CSF1: variants seen among roughly 807,000 people sequenced by gnomAD.
The protein encoded by CSF1 is colony stimulating factor 1.
In CSF1, 9 loss-of-function variants were observed where a neutral mutation model predicts 48.9. The ratio of observed to expected loss-of-function variants is 0.18; its 90% CI spans 0.11 to 0.32. The LOEUF is 0.32. Among genes scored for constraint, CSF1 ranks in the 10% least tolerant of loss-of-function variants. CSF1 has a pLI of 1.00. For synonymous variants in CSF1, 305 were observed against 284.1 expected, an observed-to-expected ratio of 1.07 and a Z score of -0.74; for missense variants, 672 against 697.9, an observed-to-expected ratio of 0.96 and a Z score of 0.42.
chr1:109,914,729 T>C (rs1433565635), intron 2 of CSF1, among the ~76,000 whole-genome samples: 1 of 152,248 alleles, frequency 6.6e-6, no homozygotes, highest in Non-Finnish European at 1.5e-5. Context: ...TCTGGGAAGC[T>C]AGCCCAGGCG....
At chr1:109,911,836 C>T (rs1042005431) in intron 1 of CSF1, among the ~76,000 whole-genome samples, 1 of 152,186 alleles carries the variant, frequency 6.6e-6, no homozygotes, top group African/African-American at 2.4e-5. Context: ...GAGCTGTGTC[C>T]AGGGGCAGGG....
In CSF1 at chr1:109,923,913, C is replaced by T. The variant is rs199818340; in HGVS notation, c.1292C>T (p.Ser431Leu). ...AQPQLSRSHSSGSVLPLGELE... is the reference protein window; with the variant it reads ...AQPQLSRSHSLGSVLPLGELE... The stretch of plus-strand genomic sequence containing the variant: ...CCACAGCTTTCCAGAAGCCACTCCT[C>T]GGGCAGCGTGCTGCCCCTTGGGGAG... The change falls in exon 6 of 9, where the codon TCG becomes TTG. Residue 431 changes from serine (S) to leucine (L), a missense_variant. Physicochemically the swap from Ser to Leu is moderately radical, Grantham distance 145 (BLOSUM62 -2). Transcript: ENST00000329608. The T allele has an allele frequency of 4.6e-4, 750 of 1,613,982 alleles. 1 individual carries two copies. The highest frequency in any genetic ancestry group is 6.0e-4 in the Non-Finnish European group (709 of 1,179,926).
chr1:109,914,244 C>A lies in CSF1; in HGVS notation c.40-15C>A, dbSNP rs2297706. 309,926 of 1,585,488 alleles carry A rather than the reference C, an allele frequency of 0.2. 35,696 individuals are homozygous for A. Among genetic ancestry groups the A allele is most frequent in the East Asian group, 0.55 (23,935 of 43,894 alleles). ...GAGTGAGACCTGGGGAGAAATGACACCCTCTCTGTCACAGACATGGCTGGG... is the reference window on the plus strand; with the variant it reads ...GAGTGAGACCTGGGGAGAAATGACAACCTCTCTGTCACAGACATGGCTGGG... On this transcript the variant is annotated splice_polypyrimidine_tract_variant and intron_variant, in intron 1 of 8. Coordinates refer to ENST00000329608, the MANE Select transcript of CSF1 (RefSeq NM_000757.6).
In CSF1 at chr1:109,923,920, C is replaced by T. The variant is rs762980552; in HGVS notation, c.1299C>T (p.Ser433=). The part of the protein sequence containing the change: ...PQLSRSHSSG[S]VLPLGELEGR... ...TTTCCAGAAGCCACTCCTCGGGCAGCGTGCTGCCCCTTGGGGAGCTGGAGG... is the reference window on the plus strand; with the variant it reads ...TTTCCAGAAGCCACTCCTCGGGCAGTGTGCTGCCCCTTGGGGAGCTGGAGG... Residue 433 remains serine (S), a synonymous_variant, in exon 6 of 9, where the codon AGC becomes AGT. Coordinates refer to ENST00000329608, the MANE Select transcript of CSF1 (RefSeq NM_000757.6). The T allele has an allele frequency of 3.6e-5, 58 of 1,614,012 alleles. No homozygotes were observed. The highest frequency in any genetic ancestry group is 4.4e-5 in the Non-Finnish European group (52 of 1,179,946).
chr1:109,924,068 A>G lies in CSF1; in HGVS notation c.1447A>G (p.Arg483Gly). The G allele has an allele frequency of 6.2e-7, 1 of 1,614,156 alleles. No individual in the cohort carries two copies. The highest frequency in any genetic ancestry group is 2.2e-5 in the East Asian group (1 of 44,862). Residue 483 changes from arginine to glycine, a missense_variant, in exon 6 of 9, where the codon AGG becomes GGG. Physicochemically the swap from Arg to Gly is moderately radical, Grantham distance 125 (BLOSUM62 -2). Around this residue, in one of 3 missense-constraint regions of CSF1, gnomAD observed 591 missense variants for 593.6 expected, o/e 1.00. Coordinates refer to ENST00000329608, the MANE Select transcript of CSF1 (RefSeq NM_000757.6). ...TCCTTTGACTGACACAGGCCATGAG[A>G]GGCAGTCCGAGGGATCCTTCAGCCC... ...SVPLTDTGHE[R>G]QSEGSFSPQL...
Position 109,917,438 on chromosome 1 carries a change from C to T in CSF1, c.371C>T (p.Thr124Ile), listed in dbSNP as rs1389089900. The T allele has an allele frequency of 1.2e-6, 2 of 1,614,170 alleles. No individual in the cohort carries two copies. The highest frequency in any genetic ancestry group is 1.7e-6 in the Non-Finnish European group (2 of 1,180,026). ...TCTTTGAGGCTGAAGAGCTGCTTCA[C>T]CAAGGATTATGAAGAGCATGACAAG... Reference protein sequence around the residue: ...ELSLRLKSCFTKDYEEHDKAC... With the variant: ...ELSLRLKSCFIKDYEEHDKAC... The change falls in exon 4 of 9, where the codon ACC (threonine) becomes ATC (isoleucine). Residue 124 changes from threonine to isoleucine, a missense_variant. Coordinates refer to ENST00000329608, the MANE Select transcript of CSF1 (RefSeq NM_000757.6).
At chr1:109,912,552 G>A (rs1408359757) in intron 1 of CSF1, among the ~76,000 whole-genome samples, 2 of 152,092 alleles carry the variant, frequency 1.3e-5, no homozygotes, top group African/African-American at 2.4e-5. Context: ...GGCCAGCTTC[G>A]AAGTCAGCCT....
chr1:109,923,286 C>T lies in CSF1; in HGVS notation c.665C>T (p.Thr222Ile). ...TCCATGGCCCCTGTGGCTGGCTTGA[C>T]CTGGGAGGACTCTGAGGGAACTGAG... ...APSMAPVAGLTWEDSEGTEGS... is the reference protein window; with the variant it reads ...APSMAPVAGLIWEDSEGTEGS... Residue 222 changes from threonine (T) to isoleucine (I), a missense_variant, in exon 6 of 9, where the codon ACC (threonine) becomes ATC (isoleucine). By Grantham distance (89) the Thr-to-Ile change is moderately conservative. Around this residue, in one of 3 missense-constraint regions of CSF1, gnomAD observed 591 missense variants for 593.6 expected, o/e 1.00. Coordinates refer to ENST00000329608, the MANE Select transcript of CSF1 (RefSeq NM_000757.6). 1 of 1,612,550 alleles carries T rather than the reference C, an allele frequency of 6.2e-7. No homozygotes were observed. The highest frequency in any genetic ancestry group is 8.5e-7 in the Non-Finnish European group (1 of 1,179,264).
At position 109,914,436 on chromosome 1, in the gene CSF1, A is replaced by G. The variant is rs1031094962; in HGVS notation, c.162+55A>G. On this transcript the variant is annotated intron_variant, in intron 2 of 8. Transcript: ENST00000329608. ...TTCTCCCCACTGGGGAAATGAAGGC[A>G]GGAGCCAGGGAGCAGGTCAAAGAGA... 13 of 1,523,814 alleles carry G rather than the reference A, an allele frequency of 8.5e-6. No homozygotes were observed. The African/African-American group carries it at 1.7e-4, about 19-fold the overall frequency. 94.4% of individuals were successfully genotyped at this position (1,523,814 alleles called of 1,614,324 possible).
At chr1:109,922,371 C>G (rs1647598192) in intron 5 of CSF1, 1 of 179,418 alleles carries the variant, frequency 5.6e-6, no homozygotes, top group African/African-American at 2.3e-5. Flanking sequence ...GTGGAGACAG[C>G]TGACACCCAT....
intron 7 of CSF1, 75 bp from the exon 8 acceptor site, chr1:109,925,072 G>A (rs2101656708): frequency 1.5e-6 from 2 of 1,355,628 alleles, no homozygotes; most frequent in African/African-American, 2.9e-5. Context: ...CTGGGGCTTA[G>A]GGGTAAACTT....
Position 109,910,909 on chromosome 1 carries a change from C to A in CSF1, c.-115C>A. The A allele has an allele frequency of 1.3e-6, 1 of 789,084 alleles. No individual in the cohort carries two copies. Among genetic ancestry groups the A allele is most frequent in the Non-Finnish European group, 1.6e-6 (1 of 621,338 alleles). 48.9% of individuals were successfully genotyped at this position (789,084 alleles called of 1,614,324 possible). ...GTCCTCTCGGCGCCAGAGCCGCTCT[C>A]CGCATCCCAGGACAGCGGTGCGGCC... On this transcript the variant is annotated 5_prime_UTR_variant, in exon 1 of 9. Transcript: ENST00000329608.
chr1:109,923,990 G>A lies in CSF1; in HGVS notation c.1369G>A (p.Gly457Arg). Residue 457 changes from glycine to arginine, a missense_variant, in exon 6 of 9, where the codon GGA (glycine) becomes AGA (arginine). Around this residue, in one of 3 missense-constraint regions of CSF1, gnomAD observed 591 missense variants for 593.6 expected, o/e 1.00. Coordinates refer to ENST00000329608, the MANE Select transcript of CSF1 (RefSeq NM_000757.6). ...RDRRSPAEPE[G>R]GPASEGAARP... ...TCGGAGGAGCCCCGCAGAGCCAGAA[G>A]GAGGACCAGCAAGTGAAGGGGCAGC... 6.2e-7 allele frequency: 1 copy of A among 1,614,240 alleles called. No individual in the cohort carries two copies. The highest frequency in any genetic ancestry group is 1.3e-5 in the African/African-American group (1 of 75,074).
At chr1:109,918,038 T>C (rs1466125864) in intron 4 of CSF1, among the ~76,000 whole-genome samples, 1 of 152,088 alleles carries the variant, frequency 6.6e-6, no homozygotes, top group Non-Finnish European at 1.5e-5. Flanking sequence ...AACAAGAACC[T>C]GAAGGGCTCA....
intron 4 of CSF1, among the ~76,000 whole-genome samples, chr1:109,918,600 G>T (rs1373874748): frequency 6.6e-6 from 1 of 152,118 alleles, no homozygotes; most frequent in Admixed American, 6.5e-5. Flanking sequence ...TACGTGCAGT[G>T]GATGTGAGAA....
intron 4 of CSF1, among the ~76,000 whole-genome samples, chr1:109,918,953 A>C (rs1305742729): frequency 6.6e-6 from 1 of 152,040 alleles, no homozygotes; most frequent in Non-Finnish European, 1.5e-5. Context: ...GGACCTGGCA[A>C]GGGGCAGCCT....
At chr1:109,922,224 C>T (rs919467136) in intron 5 of CSF1, 2 of 396,340 alleles carry the variant, frequency 5.0e-6, no homozygotes, top group Admixed American at 8.9e-5. Context: ...CATATGTCTG[C>T]ATGTGGCAGC....
chr1:109,920,073 G>A (rs1032020760), intron 4 of CSF1, among the ~76,000 whole-genome samples: 5 of 151,946 alleles, frequency 3.3e-5, no homozygotes, highest in African/African-American at 1.2e-4. Flanking sequence ...GAATGCTGAG[G>A]GGCAGGCTCC....
chr1:109,925,084 C>T (rs1270073684), intron 7 of CSF1, 63 bp from the exon 8 acceptor site: 135 of 1,459,234 alleles, frequency 9.3e-5, no homozygotes, highest in South Asian at 4.1e-4. Flanking sequence ...GGTAAACTTA[C>T]GGAGTCCCCT....
Sources: gnomAD v4.1 joint callset for allele counts (sites outside exome capture counted in the v4.1 genomes callset) on GRCh38, gnomAD v4.1.1 for gene constraint, gnomAD v4.1.1 regional missense constraint, MANE v1.5 for transcripts, NCBI Gene and HGNC (gene_info 2026-07-23, HGNC 2026-07-21) for gene names.